Variants in GLIS3 observed in about 807,000 individuals in gnomAD.
GLIS3 encodes GLIS family zinc finger 3.
Under a neutral mutation model 78.6 loss-of-function variants are expected in GLIS3, and 53 were observed. The observed-to-expected ratio is 0.67, with a 90% CI of 0.54 to 0.85. The LOEUF is 0.85. GLIS3 is among the 40% of genes least tolerant of loss of function. The probability of loss-of-function intolerance (pLI) is 0.00; values close to 1 mark genes in which losing one functional copy is unlikely to be tolerated. For missense variants in GLIS3, 1,703 were observed against 1,231.1 expected (o/e 1.38, Z -5.74); for synonymous variants, 684 against 509.9 (o/e 1.34, Z -4.60).
At chr9:4,348,836 G>A (rs1344449642), upstream of GLIS3, among the ~76,000 whole-genome samples, 1 of 152,108 alleles carries the variant, frequency 6.6e-6, no homozygotes, top group Non-Finnish European at 1.5e-5. Flanking sequence ...CAACATAAAT[G>A]TGCATAGAAA....
chr9:4,308,536 G>C (rs917499295), intron 4 of GLIS3, among the ~76,000 whole-genome samples: 1 of 152,040 alleles, frequency 6.6e-6, no homozygotes, highest in Non-Finnish European at 1.5e-5. Context: ...TCCTCCCTGA[G>C]ATCTCCCCCA....
At chr9:4,029,494 A>C (rs1038680983) in intron 4 of GLIS3, among the ~76,000 whole-genome samples, 1 of 152,136 alleles carries the variant, frequency 6.6e-6, no homozygotes, top group African/African-American at 2.4e-5. Flanking sequence ...TGTACAATTA[A>C]ATTATTGACT....
At chr9:3,924,420 G>A (rs1002290173) in intron 6 of GLIS3, among the ~76,000 whole-genome samples, 5 of 152,200 alleles carry the variant, frequency 3.3e-5, no homozygotes, top group African/African-American at 4.8e-5. Context: ...CTTAAGCTAA[G>A]TCCTGAAGCA....
chr9:4,242,364 A>T (rs1432019992), intron 2 of GLIS3, among the ~76,000 whole-genome samples: 3 of 152,156 alleles, frequency 2.0e-5, no homozygotes, highest in Admixed American at 1.3e-4. Context: ...GAAATCCTAT[A>T]CTTATTGCTC....
At chr9:4,412,753 A>G in the GLIS3 span, among the ~76,000 whole-genome samples, 14 of 152,202 alleles carry the variant, frequency 9.2e-5, no homozygotes, top group African/African-American at 2.9e-4. Context: ...AAATTTAGCC[A>G]TAAGACTGAA....
intron 2 of GLIS3, among the ~76,000 whole-genome samples, chr9:4,185,340 G>C (rs1817689554): frequency 6.6e-6 from 1 of 151,986 alleles, no homozygotes; most frequent in South Asian, 2.1e-4. Context: ...ACTGTATTTT[G>C]TTTATCCATT....
At chr9:4,480,018 G>C in the GLIS3 span, among the ~76,000 whole-genome samples, 4 of 147,074 alleles carry the variant, frequency 2.7e-5, no homozygotes, top group East Asian at 2.0e-4. Context: ...GCCTCCCAAA[G>C]TGCTGAGTGC....
At chr9:3,991,207 C>T (rs1356686140) in intron 4 of GLIS3, among the ~76,000 whole-genome samples, 1 of 152,130 alleles carries the variant, frequency 6.6e-6, no homozygotes, top group East Asian at 1.9e-4. Context: ...AATGGGAAGG[C>T]ACTTTACTGA....
the GLIS3 span, among the ~76,000 whole-genome samples, chr9:4,462,594 A>AACACAC: frequency 7.8e-3 from 1,131 of 145,070 alleles, 5 homozygotes; most frequent in African/African-American, 0.019. Flanking sequence ...CCATCTCTAT[A>AACACAC]ACACACACAC....
rs527840337 is a variant in GLIS3 at position 4,331,364 on chromosome 9, C to G, written n.264+15717G>C. Among the ~76,000 whole-genome samples the G allele has an allele frequency of 2.7e-5, 4 of 148,600 alleles. No homozygotes were observed. In the South Asian group the frequency reaches 9.1e-4, roughly 34 times the overall value. On this transcript the variant is annotated intron_variant and non_coding_transcript_variant, in intron 2 of 4. Coordinates refer to the GLIS3 transcript ENST00000471664. Reference sequence around the variant, plus strand: ...AGGGCACACTTTTATCCACTACAACCTCATCTTAACTAATTCCATCTAGAC... The same window carrying G: ...AGGGCACACTTTTATCCACTACAACGTCATCTTAACTAATTCCATCTAGAC...
chr9:4,011,501 G>A (rs115762362), intron 4 of GLIS3, among the ~76,000 whole-genome samples: 1 of 152,180 alleles, frequency 6.6e-6, no homozygotes, highest in African/African-American at 2.4e-5. Context: ...TGTGTGGTGT[G>A]CACGGTACCC....
chr9:4,118,054 G>A lies in GLIS3; in HGVS notation c.1424C>T (p.Pro475Leu), dbSNP rs769236310. 3.2e-6 allele frequency: 5 copies of A among 1,587,018 alleles called. No individual in the cohort carries two copies. Among genetic ancestry groups the A allele is most frequent in the East Asian group, 2.2e-5 (1 of 44,534 alleles). ...HAHLHHPELGPHAQQLALPQA... is the reference protein window; with the variant it reads ...HAHLHHPELGLHAQQLALPQA... ...GGGCAAGGCCAGCTGCTGGGCGTGG[G>A]GCCCGAGCTCCGGGTGGTGAAGGTG... is the stretch of plus-strand genomic sequence containing the variant. The change falls in exon 4 of 11, where the codon CCC (proline) becomes CTC (leucine). Residue 475 changes from proline to leucine, a missense_variant. Transcript: ENST00000381971. The surrounding 1 kb of genome is among the most constrained non-coding windows in gnomAD (Gnocchi z 4.7).
chr9:3,899,767 C>A (rs1022254639), intron 6 of GLIS3, among the ~76,000 whole-genome samples: 3 of 152,172 alleles, frequency 2.0e-5, no homozygotes, highest in African/African-American at 7.2e-5. Flanking sequence ...TTGTTACATA[C>A]TTCTCTAGAC....
chr9:4,364,508 C>T, the GLIS3 span, among the ~76,000 whole-genome samples: 3 of 151,972 alleles, frequency 2.0e-5, no homozygotes, highest in African/African-American at 4.8e-5. Context: ...AAATGATGCT[C>T]ACAATATGTA....
chr9:4,144,277 T>G (rs1834038499), intron 2 of GLIS3, among the ~76,000 whole-genome samples: 2 of 152,318 alleles, frequency 1.3e-5, no homozygotes, highest in East Asian at 1.9e-4. Flanking sequence ...ACCGACTTGT[T>G]TTTTGACACG....
At chr9:4,246,553 G>A (rs190958670) in intron 2 of GLIS3, among the ~76,000 whole-genome samples, 4 of 151,564 alleles carry the variant, frequency 2.6e-5, no homozygotes, top group Non-Finnish European at 3.0e-5. Context: ...AACATAAGCC[G>A]TGAGTAATCG....
chr9:4,450,596 G>C, the GLIS3 span, among the ~76,000 whole-genome samples: 1 of 152,192 alleles, frequency 6.6e-6, no homozygotes, highest in East Asian at 1.9e-4. Context: ...GGCAGCCAGA[G>C]AGAAAGGTCA....
At chr9:4,469,666 G>A in the GLIS3 span, among the ~76,000 whole-genome samples, 2 of 152,166 alleles carry the variant, frequency 1.3e-5, no homozygotes, top group Non-Finnish European at 2.9e-5. Flanking sequence ...AGCACTAAAT[G>A]CCCACAAGAG....
intron 2 of GLIS3, among the ~76,000 whole-genome samples, chr9:4,202,713 TG>T (rs1337444938): frequency 1.3e-5 from 2 of 152,060 alleles, no homozygotes; most frequent in Non-Finnish European, 2.9e-5. Context: ...AAGTAAGCAA[TG>T]GGGAAAGGAA....
Sources: gnomAD v4.1 joint callset for allele counts (sites outside exome capture counted in the v4.1 genomes callset) on GRCh38, gnomAD v4.1.1 for gene constraint, Gnocchi (gnomAD v3.1) non-coding constraint, MANE v1.5 for transcripts, NCBI Gene and HGNC (gene_info 2026-07-23, HGNC 2026-07-21) for gene names.